Variants in AUTS2 observed in about 807,000 individuals in gnomAD.
AUTS2 encodes activator of transcription and developmental regulator AUTS2.
AUTS2 carries 17 observed loss-of-function variants against 112.4 expected under a neutral mutation model. The observed-to-expected ratio is 0.15, with a 90% confidence interval of 0.10 to 0.23. The LOEUF is 0.23. Among genes scored for constraint, AUTS2 ranks in the 10% least tolerant of loss-of-function variants. The probability of loss-of-function intolerance (pLI) is 1.00; values close to 1 mark genes in which losing one functional copy is unlikely to be tolerated. For missense variants in AUTS2, 1,510 were observed against 1,701.6 expected (o/e 0.89, Z 1.98); for synonymous variants, 751 against 702.7 (o/e 1.07, Z -1.09).
chr7:70,420,489 T>C (rs754868622), intron 4 of AUTS2, among the ~76,000 whole-genome samples: 4 of 152,134 alleles, frequency 2.6e-5, no homozygotes, highest in Non-Finnish European at 5.9e-5. Context: ...CCCTCTGCCA[T>C]AGAAGTGCTT....
At chr7:70,396,538 G>A (rs1313934739) in intron 4 of AUTS2, among the ~76,000 whole-genome samples, 1 of 151,956 alleles carries the variant, frequency 6.6e-6, no homozygotes, top group Admixed American at 6.6e-5. Context: ...CACCACACCC[G>A]GCTAATGTTT....
rs1798733772 is a variant in AUTS2, at chr7:69,718,381, C to T, written c.309+118419C>T. ...GGGCTAAAATCGAGGTGTCAGGGGG[C>T]TGTGTTCCTCGTGGAGGCTCTGGGA... On this transcript the variant is annotated intron_variant, in intron 1 of 18. Coordinates refer to ENST00000342771, the MANE Select transcript of AUTS2 (RefSeq NM_015570.4). Among the ~76,000 whole-genome samples, 4 of 152,184 alleles carry T rather than the reference C, an allele frequency of 2.6e-5. No homozygotes were observed. In the South Asian group the frequency reaches 8.3e-4, roughly 32 times the overall value.
intron 1 of AUTS2, among the ~76,000 whole-genome samples, chr7:69,847,932 A>T (rs942059231): frequency 6.6e-6 from 1 of 152,142 alleles, no homozygotes; most frequent in Non-Finnish European, 1.5e-5. Context: ...TTCTTCCTTT[A>T]GTTTCCTCTA....
In AUTS2 at chr7:70,792,737, C is replaced by G. The variant is rs984062442; in HGVS notation, c.*1741C>G. On this transcript the variant is annotated 3_prime_UTR_variant, in exon 19 of 19. Transcript: ENST00000342771. The stretch of plus-strand genomic sequence containing the variant: ...TATACGGACCTTTTTGCTGTTTATC[C>G]TGTATGTAATAAAGTCCTTTCTAGA... 4.6e-5 allele frequency: 7 copies of G among 152,204 alleles called. No individual in the cohort carries two copies. The highest frequency in any genetic ancestry group is 1.7e-4 in the African/African-American group (7 of 41,318). The allele number at this position is 152,204 out of a possible 1,614,324, so 9.4% of individuals were successfully genotyped here.
chr7:70,601,937 A>AC (rs1323238605), intron 5 of AUTS2, among the ~76,000 whole-genome samples: 3 of 152,138 alleles, frequency 2.0e-5, no homozygotes, highest in Non-Finnish European at 2.9e-5. Context: ...GATTTATTCT[A>AC]CATTACAGGT....
At chr7:70,140,201 GCCTC>G (rs1319278429) in intron 4 of AUTS2, among the ~76,000 whole-genome samples, 1 of 152,134 alleles carries the variant, frequency 6.6e-6, no homozygotes, top group African/African-American at 2.4e-5. Context: ...TGGCAAGGAT[GCCTC>G]ATAGATCATG....
intron 1 of AUTS2, among the ~76,000 whole-genome samples, chr7:69,723,421 T>G (rs1298180024): frequency 6.6e-6 from 1 of 152,104 alleles, no homozygotes; most frequent in Non-Finnish European, 1.5e-5. Flanking sequence ...TGGTTAATAT[T>G]AAGTTACTGG....
At chr7:70,580,165 T>C (rs919049984) in intron 5 of AUTS2, among the ~76,000 whole-genome samples, 3 of 152,104 alleles carry the variant, frequency 2.0e-5, no homozygotes, top group Non-Finnish European at 4.4e-5. Context: ...CAGTGCCAAT[T>C]AGAGTGGACG....
chr7:70,113,115 C>T (rs1805170727), intron 2 of AUTS2, among the ~76,000 whole-genome samples: 1 of 152,144 alleles, frequency 6.6e-6, no homozygotes, highest in Non-Finnish European at 1.5e-5. Flanking sequence ...ATTCCTTGCC[C>T]TGCCCTTGTG....
intron 5 of AUTS2, among the ~76,000 whole-genome samples, chr7:70,559,317 C>T (rs2129522643): frequency 6.6e-6 from 1 of 151,928 alleles, no homozygotes; most frequent in South Asian, 2.1e-4. Flanking sequence ...GATCTGATGG[C>T]TTCTACCCTT....
chr7:70,329,125 G>A (rs1429287670), intron 4 of AUTS2, among the ~76,000 whole-genome samples: 1 of 152,138 alleles, frequency 6.6e-6, no homozygotes, highest in African/African-American at 2.4e-5. Context: ...CCTTTTTATA[G>A]CTGAATAATA....
intron 2 of AUTS2, among the ~76,000 whole-genome samples, chr7:70,000,340 G>A (rs1315706330): frequency 1.3e-5 from 2 of 152,042 alleles, no homozygotes; most frequent in African/African-American, 2.4e-5. Context: ...GCCTCAAATT[G>A]TACTGTAATC....
intron 4 of AUTS2, among the ~76,000 whole-genome samples, chr7:70,367,957 T>C (rs1166076199): frequency 6.6e-6 from 1 of 151,960 alleles, no homozygotes; most frequent in Non-Finnish European, 1.5e-5. Context: ...GTGTTTAGGG[T>C]GATGAGAAAT....
chr7:69,926,819 A>T (rs1033813733), intron 2 of AUTS2, among the ~76,000 whole-genome samples: 1 of 146,862 alleles, frequency 6.8e-6, no homozygotes, highest in Non-Finnish European at 1.5e-5. Context: ...AAGATATATA[A>T]GATATATAGT....
intron 5 of AUTS2, among the ~76,000 whole-genome samples, chr7:70,637,617 T>G (rs1805596687): frequency 6.6e-6 from 1 of 152,206 alleles, no homozygotes; most frequent in African/African-American, 2.4e-5. Flanking sequence ...CCCCTTTTTG[T>G]GAGGCCTCAG....
chr7:70,673,693 T>C (rs1807763790), intron 5 of AUTS2, among the ~76,000 whole-genome samples: 1 of 152,144 alleles, frequency 6.6e-6, no homozygotes, highest in Non-Finnish European at 1.5e-5. Flanking sequence ...ACTCTTTTGA[T>C]CCTACCTGTT....
At chr7:69,840,278 G>C (rs1355618789) in intron 1 of AUTS2, among the ~76,000 whole-genome samples, 3 of 152,162 alleles carry the variant, frequency 2.0e-5, no homozygotes, top group Non-Finnish European at 4.4e-5. Context: ...GTTAGTGTCT[G>C]TTGCTTTTGT....
At chr7:70,441,063 G>A (rs1351754163) in intron 5 of AUTS2, among the ~76,000 whole-genome samples, 1 of 152,244 alleles carries the variant, frequency 6.6e-6, no homozygotes, top group African/African-American at 2.4e-5. Flanking sequence ...GATGTTGCCT[G>A]TGTGTGCAGA....
intron 1 of AUTS2, among the ~76,000 whole-genome samples, chr7:69,690,083 A>G (rs1183551180): frequency 6.6e-6 from 1 of 152,184 alleles, no homozygotes; most frequent in Non-Finnish European, 1.5e-5. Context: ...AAGGGGAGAT[A>G]TTTTTAAAAT....
Sources: allele counts gnomAD v4.1 joint callset (sites outside exome capture counted in the v4.1 genomes callset), GRCh38; gene constraint gnomAD v4.1.1; transcripts MANE v1.5; gene names NCBI Gene and HGNC (gene_info 2026-07-23, HGNC 2026-07-21).